Variants in NCK2 observed in about 807,000 individuals in gnomAD.
NCK2 encodes the protein cytoplasmic protein NCK2.
NCK2 carries 16 observed loss-of-function variants against 33.9 expected under a neutral mutation model. That is an observed-to-expected ratio of 0.47 (90% CI 0.32 to 0.72). The LOEUF (loss-of-function observed/expected upper bound fraction) is 0.72. Ranked by LOEUF, NCK2 falls within the 30% of genes least tolerant of loss-of-function variation. The probability of loss-of-function intolerance (pLI) is 0.03; values close to 1 mark genes in which losing one functional copy is unlikely to be tolerated. For missense variants in NCK2, 418 were observed against 537.3 expected, an observed-to-expected ratio of 0.78 and a Z score of 2.19; for synonymous variants, 273 against 239.9, an observed-to-expected ratio of 1.14 and a Z score of -1.27.
At chr2:105,845,079 G>A (rs1231596772) in intron 2 of NCK2, among the ~76,000 whole-genome samples, 1 of 152,038 alleles carries the variant, frequency 6.6e-6, no homozygotes, top group Non-Finnish European at 1.5e-5. Context: ...GTGCAGAGGG[G>A]CTTTCTATAA....
Position 105,835,409 on chromosome 2 carries a change from G to GTGTATATATATATACGTATA in NCK2, c.-17+18797_-17+18798insGTATATATATATACGTATAT, listed in dbSNP as rs56250020. On this transcript the variant is annotated intron_variant, in intron 2 of 4. Transcript: ENST00000233154. ...TACACATATATATATATATATACGTGTATATATATATATATTTTTTTTTTG... is the reference window on the plus strand; with the variant it reads ...TACACATATATATATATATATACGTGTGTATATATATATACGTATATATATATATATATATTTTTTTTTTG... 1.2e-3 allele frequency among the ~76,000 whole-genome samples: 74 copies of GTGTATATATATATACGTATA among 59,308 alleles called. 7 individuals are homozygous for GTGTATATATATATACGTATA. Among genetic ancestry groups the GTGTATATATATATACGTATA allele is most frequent in the South Asian group, 8.4e-3 (14 of 1,668 alleles). The allele number at this position is 59,308 out of a possible 152,430, so 38.9% of individuals were successfully genotyped here. A position where few individuals can be genotyped will look rare whatever the true frequency, so the allele number is the denominator to read the frequency against.
Position 105,862,545 on chromosome 2 carries a change from C to T in NCK2, c.226+7256C>T, listed in dbSNP as rs187778351. 3.5e-3 allele frequency among the ~76,000 whole-genome samples: 530 copies of T among 152,194 alleles called. 2 individuals are homozygous for T. Among genetic ancestry groups the T allele is most frequent in the Admixed American group, 0.01 (157 of 15,288 alleles). On this transcript the variant is annotated intron_variant, in intron 3 of 4. Transcript: ENST00000233154. ...TGACTATCTGGATTTAGTGGTAGGCCGCTTTGTACGTTTGGGGGGACTCTG... is the reference window on the plus strand; with the variant it reads ...TGACTATCTGGATTTAGTGGTAGGCTGCTTTGTACGTTTGGGGGGACTCTG...
chr2:105,873,169 G>T (rs902042643), intron 3 of NCK2, among the ~76,000 whole-genome samples: 1 of 152,216 alleles, frequency 6.6e-6, no homozygotes, highest in African/African-American at 2.4e-5. Context: ...GCATTTGTGC[G>T]TGAGTCTCTT....
intron 2 of NCK2, among the ~76,000 whole-genome samples, chr2:105,841,321 A>T (rs925849417): frequency 6.6e-5 from 10 of 152,194 alleles, no homozygotes; most frequent in Non-Finnish European, 1.5e-4. Context: ...TCCCTCGAAA[A>T]GCCCTAAAGT....
In NCK2 at chr2:105,881,435, C is replaced by G; in HGVS notation, c.334C>G (p.Leu112Val). The G allele has an allele frequency of 6.2e-7, 1 of 1,613,488 alleles. No homozygotes were observed. Among genetic ancestry groups the G allele is most frequent in the Non-Finnish European group, 8.5e-7 (1 of 1,179,982 alleles). ...CAGCGGCGCCGACCGCATCTACGAC[C>G]TCAACATCCCGGCCTTCGTCAAGTT... ...NGSGADRIYD[L>V]NIPAFVKFAY... is the part of the protein sequence containing the mutation. Residue 112 changes from leucine (L) to valine (V), a missense_variant, in exon 4 of 5, where the codon CTC becomes GTC. Leu to Val is a conservative substitution (Grantham distance 32). Coordinates refer to ENST00000233154, the MANE Select transcript of NCK2 (RefSeq NM_003581.5).
intron 2 of NCK2, among the ~76,000 whole-genome samples, chr2:105,833,955 A>G (rs1258439067): frequency 6.6e-6 from 1 of 152,176 alleles, no homozygotes; most frequent in Non-Finnish European, 1.5e-5. Context: ...TATTTATACA[A>G]TTTCCAAAGT....
intron 1 of NCK2, among the ~76,000 whole-genome samples, chr2:105,776,327 A>G (rs940734890): frequency 6.6e-6 from 1 of 152,214 alleles, no homozygotes; most frequent in Non-Finnish European, 1.5e-5. Context: ...ATATCTTAAC[A>G]TTTCAACATC....
At chr2:105,850,250 G>T (rs910943466) in intron 2 of NCK2, among the ~76,000 whole-genome samples, 1 of 152,146 alleles carries the variant, frequency 6.6e-6, no homozygotes, top group Non-Finnish European at 1.5e-5. Context: ...TAATGTTGTA[G>T]GGGCACTGGC....
At chr2:105,837,748 C>T (rs569767905) in intron 2 of NCK2, among the ~76,000 whole-genome samples, 11 of 152,206 alleles carry the variant, frequency 7.2e-5, no homozygotes, top group Non-Finnish European at 1.5e-4. Context: ...GATTTTCAAC[C>T]TTCCTAACAC....
At chr2:105,757,540 C>G (rs547614026) in intron 1 of NCK2, among the ~76,000 whole-genome samples, 3 of 152,300 alleles carry the variant, frequency 2.0e-5, no homozygotes, top group African/African-American at 7.2e-5. Context: ...TGTTTTCACT[C>G]AGTTGTGTAC....
chr2:105,748,269 C>A (rs1689354008), intron 1 of NCK2, among the ~76,000 whole-genome samples: 1 of 152,202 alleles, frequency 6.6e-6, no homozygotes, highest in South Asian at 2.1e-4. Context: ...TCTCTTACTT[C>A]TTTTCTTCCC....
intron 2 of NCK2, among the ~76,000 whole-genome samples, chr2:105,826,220 C>T (rs1573163965): frequency 6.6e-6 from 1 of 152,130 alleles, no homozygotes; most frequent in African/African-American, 2.4e-5. Context: ...CTGAGCAAAG[C>T]GGGAAGAGCG....
rs1336727643 is a variant in NCK2, at chr2:105,889,648, G to A, written c.949-3334G>A. Among the ~76,000 whole-genome samples, 9 of 148,404 alleles carry A rather than the reference G, an allele frequency of 6.1e-5. No individual in the cohort carries two copies. In the East Asian group the frequency reaches 1.6e-3, roughly 26 times the overall value. Reference sequence around the variant, plus strand: ...ATCTAGGCTGGAGTGCAGTGGCCCTGTCATACCTCACTGTTGCCTTGACCT... The same window carrying A: ...ATCTAGGCTGGAGTGCAGTGGCCCTATCATACCTCACTGTTGCCTTGACCT... On this transcript the variant is annotated intron_variant, in intron 4 of 4. Transcript: ENST00000233154.
chr2:105,763,968 T>C lies in NCK2; in HGVS notation c.-201+18830T>C, dbSNP rs537158568. On this transcript the variant is annotated intron_variant, in intron 1 of 4. Transcript: ENST00000233154. ...CATGTGTCAATAATAATAGCTGATA[T>C]TTATTGAGCACTTAACGTGGCTGAG... Among the ~76,000 whole-genome samples the C allele has an allele frequency of 6.6e-5, 10 of 152,334 alleles. No individual in the cohort carries two copies. In the South Asian group the frequency reaches 2.1e-3, roughly 32 times the overall value.
At chr2:105,886,914 TC>T (rs1257195869) in intron 4 of NCK2, among the ~76,000 whole-genome samples, 6 of 152,316 alleles carry the variant, frequency 3.9e-5, no homozygotes, top group Middle Eastern at 6.8e-3. Context: ...TAAGATTACT[TC>T]CAAAGTTAAT....
intron 3 of NCK2, among the ~76,000 whole-genome samples, chr2:105,868,279 A>C (rs1677840377): frequency 6.6e-6 from 1 of 152,212 alleles, no homozygotes; most frequent in South Asian, 2.1e-4. Context: ...TTTTCTTTAT[A>C]ACTTCCCCTT....
At chr2:105,821,421 G>A (rs538588070) in intron 2 of NCK2, among the ~76,000 whole-genome samples, 21 of 152,242 alleles carry the variant, frequency 1.4e-4, no homozygotes, top group Admixed American at 5.9e-4. Context: ...TCCTTCTGCC[G>A]CACTCTGGAC....
At chr2:105,879,650 C>G (rs139409205) in intron 3 of NCK2, among the ~76,000 whole-genome samples, 441 of 152,366 alleles carry the variant, frequency 2.9e-3, no homozygotes, top group African/African-American at 0.01. Context: ...CGTACGTGGC[C>G]TCACATGCCT....
chr2:105,796,421 T>G (rs1170805511), intron 1 of NCK2, among the ~76,000 whole-genome samples: 1 of 152,214 alleles, frequency 6.6e-6, no homozygotes, highest in Non-Finnish European at 1.5e-5. Context: ...GAGTGAACAA[T>G]TCAATGTTTT....
Sources: gnomAD v4.1 joint callset for allele counts (sites outside exome capture counted in the v4.1 genomes callset) on GRCh38, gnomAD v4.1.1 for gene constraint, MANE v1.5 for transcripts, NCBI Gene and HGNC (gene_info 2026-07-23, HGNC 2026-07-21) for gene names.